The following MBNL2 variants were observed in gnomAD, a reference collection of about 807,000 sequenced individuals.
MBNL2 encodes muscleblind-like protein 2.
Under a neutral mutation model 41.9 loss-of-function variants are expected in MBNL2, and 17 were observed. That is an observed-to-expected ratio of 0.41 (90% confidence interval 0.28 to 0.61). The LOEUF is 0.61. Ranked by LOEUF, MBNL2 falls within the 20% of genes least tolerant of loss-of-function variation. MBNL2 has a pLI of 0.35. For missense variants in MBNL2, 336 were observed against 505.6 expected (o/e 0.66, Z 3.22); for synonymous variants, 195 against 182.9 (o/e 1.07, Z -0.53).
chr13:97,368,412 TTAAAATAAAATAAAA>T (rs113780491), intron 8 of MBNL2, among the ~76,000 whole-genome samples: 7 of 146,058 alleles, frequency 4.8e-5, no homozygotes, highest in Admixed American at 4.1e-4. Context: ...ACACCCTGTC[TTAAAATAAAATAAAA>T]TAAAATAAAA....
chr13:97,217,726 A>G (rs116922080), upstream of MBNL2, among the ~76,000 whole-genome samples: 367 of 152,302 alleles, frequency 2.4e-3, 1 homozygote, highest in Non-Finnish European at 3.9e-3. Flanking sequence ...CTGGAAGATA[A>G]TGAGGAGACA....
chr13:97,338,639 C>T (rs531960015), intron 3 of MBNL2, among the ~76,000 whole-genome samples: 2 of 152,256 alleles, frequency 1.3e-5, no homozygotes, highest in South Asian at 2.1e-4. Flanking sequence ...CCCTCCTTCC[C>T]TTCCCAGAGC....
At chr13:97,287,725 T>TTTTTTTTTTTTTTTTTTTTTTTTTC (rs2054811440) in intron 2 of MBNL2, among the ~76,000 whole-genome samples, 1 of 110,422 alleles carries the variant, frequency 9.1e-6, no homozygotes. Context: ...TCTTTTCTTT[T>TTTTTTTTTTTTTTTTTTTTTTTTTC]TTTTTTTTTT....
the MBNL2 span, among the ~76,000 whole-genome samples, chr13:97,159,298 G>A: frequency 5.7e-4 from 86 of 151,892 alleles, no homozygotes; most frequent in Middle Eastern, 3.4e-3. Flanking sequence ...GTCTCTGCAC[G>A]TGAGATGGGT....
chr13:97,187,780 G>A, the MBNL2 span, among the ~76,000 whole-genome samples: 3 of 151,566 alleles, frequency 2.0e-5, no homozygotes, highest in South Asian at 2.1e-4. Context: ...GGTGGCGGGC[G>A]CCTGTAGTCC....
In MBNL2 at chr13:97,235,942, G is replaced by A. The variant is rs541564333; in HGVS notation, c.-605+13411G>A. On this transcript the variant is annotated intron_variant, in intron 1 of 8. Transcript: ENST00000679496. ...TCAGCCTTCTAGTGAACATGTTACC[G>A]TTAAATAATAACCGTCAGCCTATCC... 5.9e-5 allele frequency among the ~76,000 whole-genome samples: 9 copies of A among 152,180 alleles called. No individual in the cohort carries two copies. The South Asian group carries it at 1.9e-3, about 32-fold the overall frequency.
At chr13:97,199,052 G>A in the MBNL2 span, among the ~76,000 whole-genome samples, 3 of 152,092 alleles carry the variant, frequency 2.0e-5, no homozygotes, top group Non-Finnish European at 2.9e-5. Context: ...TTGCCCCACT[G>A]ACTCTCTGAC....
chr13:97,294,172 A>G (rs1252225025), intron 2 of MBNL2, among the ~76,000 whole-genome samples: 2 of 152,092 alleles, frequency 1.3e-5, no homozygotes, highest in Non-Finnish European at 2.9e-5. Context: ...TGATATTTAT[A>G]TTATTTCTAG....
At chr13:97,292,769 T>C (rs947439682) in intron 2 of MBNL2, among the ~76,000 whole-genome samples, 8 of 152,118 alleles carry the variant, frequency 5.3e-5, no homozygotes, top group African/African-American at 1.9e-4. Context: ...CAATTTCTTC[T>C]TTATTTTCCT....
chr13:97,299,474 A>G (rs1247441698), intron 2 of MBNL2, among the ~76,000 whole-genome samples: 1 of 152,152 alleles, frequency 6.6e-6, no homozygotes, highest in Non-Finnish European at 1.5e-5. Context: ...AAGATTCACA[A>G]TGGTTCAACT....
At chr13:97,144,958 C>G in the MBNL2 span, among the ~76,000 whole-genome samples, 2 of 152,178 alleles carry the variant, frequency 1.3e-5, no homozygotes, top group Non-Finnish European at 2.9e-5. Context: ...TTTGAACCCT[C>G]TAAACTTACA....
intron 2 of MBNL2, among the ~76,000 whole-genome samples, chr13:97,309,050 G>A (rs574997132): frequency 1.5e-3 from 224 of 152,290 alleles, no homozygotes; most frequent in African/African-American, 5.1e-3. Context: ...CGCAGAGGCA[G>A]AAAAGTGTGG....
the MBNL2 span, among the ~76,000 whole-genome samples, chr13:97,174,387 AT>A: frequency 1.3e-5 from 2 of 152,222 alleles, no homozygotes; most frequent in South Asian, 4.1e-4. Context: ...CTCCAAACCA[AT>A]AAGAACAAAG....
At chr13:97,222,219 C>T (rs2040920044), upstream of MBNL2, 2 of 392,428 alleles carry the variant, frequency 5.1e-6, no homozygotes, top group Non-Finnish European at 9.0e-6. Flanking sequence ...TGTCAGTCAT[C>T]CTATTAGGGC....
intron 2 of MBNL2, among the ~76,000 whole-genome samples, chr13:97,283,037 C>A (rs1046460623): frequency 2.0e-5 from 3 of 152,190 alleles, no homozygotes; most frequent in African/African-American, 7.2e-5. Flanking sequence ...CCTTTAACAT[C>A]TCCGTTTCAT....
rs2061836609 is a variant in MBNL2 at position 97,346,215 on chromosome 13, TAAA to T, written c.541-586_541-584del. Among the ~76,000 whole-genome samples the T allele has an allele frequency of 6.6e-6, 1 of 151,790 alleles. No individual in the cohort carries two copies. Among genetic ancestry groups the T allele is most frequent in the Admixed American group, 6.6e-5 (1 of 15,256 alleles). Reference sequence around the variant, plus strand: ...CAAAAGTAATTGCAGTTTTTACCATTAAAAATAATGATAGATTAACAGATAATA... The same window carrying T: ...CAAAAGTAATTGCAGTTTTTACCATTAATAATGATAGATTAACAGATAATA... On this transcript the variant is annotated intron_variant, in intron 4 of 8. Transcript: ENST00000679496. The surrounding 1 kb of genome is among the most constrained non-coding windows in gnomAD (Gnocchi z 4.2).
intron 2 of MBNL2, among the ~76,000 whole-genome samples, chr13:97,314,961 G>C (rs971510578): frequency 6.6e-6 from 1 of 152,108 alleles, no homozygotes; most frequent in Non-Finnish European, 1.5e-5. Flanking sequence ...AATCAGGGTT[G>C]AAAACATTGG....
intron 8 of MBNL2, among the ~76,000 whole-genome samples, chr13:97,373,798 TTTAA>T (rs1170642664): frequency 6.6e-6 from 1 of 152,054 alleles, no homozygotes; most frequent in Non-Finnish European, 1.5e-5. Context: ...TACCCTGAAG[TTTAA>T]TTAATAAATG....
At chr13:97,149,191 C>T in the MBNL2 span, among the ~76,000 whole-genome samples, 27 of 152,234 alleles carry the variant, frequency 1.8e-4, no homozygotes, top group Middle Eastern at 3.4e-3. Flanking sequence ...ATTACGGAAG[C>T]GTAACATTAT....
Sources: gnomAD v4.1 joint callset for allele counts (sites outside exome capture counted in the v4.1 genomes callset) on GRCh38, gnomAD v4.1.1 for gene constraint, Gnocchi (gnomAD v3.1) non-coding constraint, MANE v1.5 for transcripts, NCBI Gene and HGNC (gene_info 2026-07-23, HGNC 2026-07-21) for gene names.